The following CTNNA3 variants were observed in gnomAD, a reference collection of about 807,000 sequenced individuals.
CTNNA3 encodes the protein catenin alpha 3, also known as catenin alpha-3.
In CTNNA3, 76 loss-of-function variants were observed where a neutral mutation model predicts 95.7. The ratio of observed to expected loss-of-function variants is 0.79; its 90% confidence interval spans 0.66 to 0.96. The LOEUF (loss-of-function observed/expected upper bound fraction) is 0.96. Ranked by LOEUF, CTNNA3 falls within the 40% of genes least tolerant of loss-of-function variation. The probability of loss-of-function intolerance (pLI) is 0.00; values close to 1 mark genes in which losing one functional copy is unlikely to be tolerated. For synonymous variants in CTNNA3, 431 were observed against 374.4 expected (o/e 1.15, Z -1.74); for missense variants, 1,191 against 1,089.8 (o/e 1.09, Z -1.31).
chr10:67,533,073 C>T (rs1255761985), intron 4 of CTNNA3, among the ~76,000 whole-genome samples: 1 of 152,146 alleles, frequency 6.6e-6, no homozygotes, highest in Non-Finnish European at 1.5e-5. Context: ...CCTGTAATCC[C>T]AGCACTTTGG....
intron 5 of CTNNA3, among the ~76,000 whole-genome samples, chr10:67,385,529 A>G (rs1016379140): frequency 1.3e-5 from 2 of 152,220 alleles, no homozygotes; most frequent in Non-Finnish European, 2.9e-5. Flanking sequence ...CACAAACTCT[A>G]ATAGAATAAA....
chr10:66,625,451 C>T (rs1005978457), intron 9 of CTNNA3, among the ~76,000 whole-genome samples: 1 of 152,052 alleles, frequency 6.6e-6, no homozygotes, highest in African/African-American at 2.4e-5. Flanking sequence ...TGCAGTGGCT[C>T]GATCTAGGCT....
chr10:66,484,241 T>C (rs557031119), intron 11 of CTNNA3, among the ~76,000 whole-genome samples: 1 of 152,092 alleles, frequency 6.6e-6, no homozygotes, highest in African/African-American at 2.4e-5. Flanking sequence ...TATTTCAGTT[T>C]ATTTTTCTTC....
rs185824020 is a variant in CTNNA3 at position 66,018,043 on chromosome 10, A to G, written c.2160-29246T>C. Among the ~76,000 whole-genome samples, 200 of 152,216 alleles carry G rather than the reference A, an allele frequency of 1.3e-3. 2 individuals carry two copies. The highest frequency in any genetic ancestry group is 4.4e-3 in the African/African-American group (183 of 41,578). ...GCCATAAAAGAAAATGATTGGTCCT[A>G]TAGAGGTCTCCTCAACTTCGTCCAG... On this transcript the variant is annotated intron_variant, in intron 15 of 17. Coordinates refer to ENST00000433211, the MANE Select transcript of CTNNA3 (RefSeq NM_013266.4).
intron 13 of CTNNA3, among the ~76,000 whole-genome samples, chr10:66,248,304 C>G (rs1291691294): frequency 1.4e-5 from 2 of 146,996 alleles, no homozygotes; most frequent in Admixed American, 1.4e-4. Flanking sequence ...ATTGCCTTCA[C>G]TAAAAGGAAG....
chr10:66,608,479 C>T (rs1319661900), intron 10 of CTNNA3, among the ~76,000 whole-genome samples: 1 of 151,838 alleles, frequency 6.6e-6, no homozygotes, highest in African/African-American at 2.4e-5. Flanking sequence ...AAAAAGAGCC[C>T]GAATAGCCAA....
At chr10:66,344,471 T>C (rs2092485223) in intron 12 of CTNNA3, among the ~76,000 whole-genome samples, 2 of 151,704 alleles carry the variant, frequency 1.3e-5, no homozygotes, top group South Asian at 4.2e-4. Context: ...TTCACTATAT[T>C]GGCCAGGCTG....
At chr10:66,716,108 A>T (rs1381803837) in intron 9 of CTNNA3, among the ~76,000 whole-genome samples, 1 of 152,100 alleles carries the variant, frequency 6.6e-6, no homozygotes, top group Non-Finnish European at 1.5e-5. Context: ...TTGGTAGCAC[A>T]CTTCATACTT....
intron 7 of CTNNA3, among the ~76,000 whole-genome samples, chr10:66,826,169 C>T (rs1336566247): frequency 6.6e-6 from 1 of 152,146 alleles, no homozygotes; most frequent in Admixed American, 6.5e-5. Flanking sequence ...AGACATATGT[C>T]AATCTTACGA....
intron 6 of CTNNA3, among the ~76,000 whole-genome samples, chr10:67,190,033 G>A (rs1422043162): frequency 6.6e-6 from 1 of 152,124 alleles, no homozygotes; most frequent in Non-Finnish European, 1.5e-5. Context: ...GTTTACGTAG[G>A]CATTGCTGAT....
chr10:66,149,759 T>G (rs1330021661), intron 13 of CTNNA3, among the ~76,000 whole-genome samples: 1 of 146,672 alleles, frequency 6.8e-6, no homozygotes, highest in Non-Finnish European at 1.5e-5. Context: ...AAATTACAGT[T>G]CTTTATAAAT....
chr10:67,407,390 A>C (rs996495375), intron 5 of CTNNA3, among the ~76,000 whole-genome samples: 1 of 152,198 alleles, frequency 6.6e-6, no homozygotes, highest in Non-Finnish European at 1.5e-5. Flanking sequence ...AAAAGCTCTC[A>C]ATAAACTCGG....
intron 5 of CTNNA3, among the ~76,000 whole-genome samples, chr10:67,329,088 T>C (rs898655634): frequency 6.6e-6 from 1 of 152,164 alleles, no homozygotes; most frequent in Non-Finnish European, 1.5e-5. Flanking sequence ...AAATGGCAAA[T>C]GGGCTGGGTG....
At chr10:65,962,635 C>A (rs1053325957) in intron 17 of CTNNA3, among the ~76,000 whole-genome samples, 1 of 152,006 alleles carries the variant, frequency 6.6e-6, no homozygotes, top group East Asian at 1.9e-4. Context: ...TATACACGTG[C>A]CCTGGTGGTT....
chr10:67,660,359 C>A (rs1358364102), intron 1 of CTNNA3, among the ~76,000 whole-genome samples: 2 of 152,162 alleles, frequency 1.3e-5, no homozygotes, highest in South Asian at 2.1e-4. Flanking sequence ...ATTCAAGAAA[C>A]AAATGGAAGC....
At chr10:67,255,217 C>T (rs1164751981) in intron 5 of CTNNA3, among the ~76,000 whole-genome samples, 1 of 152,054 alleles carries the variant, frequency 6.6e-6, no homozygotes, top group Non-Finnish European at 1.5e-5. Flanking sequence ...ATCACTTGAA[C>T]CAGGGAGGCA....
chr10:67,700,171 C>T (rs1269700151), upstream of CTNNA3, among the ~76,000 whole-genome samples: 1 of 152,276 alleles, frequency 6.6e-6, no homozygotes, highest in Admixed American at 6.5e-5. Flanking sequence ...CTGCCTGCCT[C>T]TGTAGGCTCC....
chr10:67,552,521 G>A (rs940465320), intron 3 of CTNNA3, among the ~76,000 whole-genome samples: 11 of 151,772 alleles, frequency 7.2e-5, no homozygotes, highest in African/African-American at 2.7e-4. Flanking sequence ...CTAGAGTCTC[G>A]GGGGTTTTTA....
chr10:66,776,528 A>G (rs1045946556), intron 7 of CTNNA3, among the ~76,000 whole-genome samples: 1 of 152,154 alleles, frequency 6.6e-6, no homozygotes, highest in African/African-American at 2.4e-5. Context: ...ACTCCCTAAC[A>G]AGAAATTTAA....
Sources: gnomAD v4.1 joint callset for allele counts (sites outside exome capture counted in the v4.1 genomes callset) on GRCh38, gnomAD v4.1.1 for gene constraint, MANE v1.5 for transcripts, NCBI Gene and HGNC (gene_info 2026-07-23, HGNC 2026-07-21) for gene names.